Variants in NCOA2 observed in about 807,000 individuals in gnomAD.
NCOA2 encodes class E basic helix-loop-helix protein 75.
A neutral mutation model predicts 145.1 loss-of-function variants in NCOA2; 21 were observed. The ratio of observed to expected loss-of-function variants is 0.14; its 90% CI spans 0.10 to 0.21. The LOEUF is 0.21. Among genes scored for constraint, NCOA2 ranks in the 10% least tolerant of loss-of-function variants. The pLI is 1.00. For missense variants in NCOA2, 1,472 were observed against 1,837.6 expected (o/e 0.80, Z 3.64); for synonymous variants, 619 against 637.5 (o/e 0.97, Z 0.44).
At chr8:70,445,455 C>A in the NCOA2 span, among the ~76,000 whole-genome samples, 1 of 152,156 alleles carries the variant, frequency 6.6e-6, no homozygotes, top group African/African-American at 2.4e-5. Flanking sequence ...TAATATTGAG[C>A]CGAGCCTGTA....
intron 1 of NCOA2, among the ~76,000 whole-genome samples, chr8:70,317,409 C>A (rs1043452348): frequency 1.3e-5 from 2 of 152,286 alleles, no homozygotes; most frequent in South Asian, 4.1e-4. Context: ...AGTATCTGCA[C>A]AAGAAGGCAC....
At chr8:70,361,108 T>A (rs1390267341) in intron 1 of NCOA2, among the ~76,000 whole-genome samples, 1 of 152,212 alleles carries the variant, frequency 6.6e-6, no homozygotes, top group Non-Finnish European at 1.5e-5. Flanking sequence ...TAACTTTGCA[T>A]TGTTAAATAA....
At chr8:70,336,385 A>G (rs569161658) in intron 1 of NCOA2, among the ~76,000 whole-genome samples, 1 of 152,312 alleles carries the variant, frequency 6.6e-6, no homozygotes, top group South Asian at 2.1e-4. Context: ...ATATTGTAAC[A>G]TGTATCAGAA....
At chr8:70,376,557 T>C (rs1271969075) in intron 1 of NCOA2, among the ~76,000 whole-genome samples, 2 of 152,234 alleles carry the variant, frequency 1.3e-5, no homozygotes, top group Non-Finnish European at 2.9e-5. Flanking sequence ...AAAAATTCTA[T>C]TACAGAATCA....
At chr8:70,377,547 A>G (rs1811794100) in intron 1 of NCOA2, among the ~76,000 whole-genome samples, 1 of 152,164 alleles carries the variant, frequency 6.6e-6, no homozygotes, top group South Asian at 2.1e-4. Context: ...TTTAAAAAAA[A>G]TCCTTTATCA....
intron 4 of NCOA2, among the ~76,000 whole-genome samples, chr8:70,177,772 G>C (rs1263876308): frequency 1.3e-5 from 2 of 152,136 alleles, no homozygotes; most frequent in African/African-American, 4.8e-5. Context: ...TTGCGGGAGA[G>C]AGTGAGAGGA....
chr8:70,286,225 C>A (rs1316136549), intron 2 of NCOA2, among the ~76,000 whole-genome samples: 1 of 151,998 alleles, frequency 6.6e-6, no homozygotes, highest in Non-Finnish European at 1.5e-5. Context: ...TCAGCCTGGG[C>A]AACATAACGA....
intron 4 of NCOA2, among the ~76,000 whole-genome samples, chr8:70,207,399 T>A (rs560490329): frequency 6.6e-6 from 1 of 152,240 alleles, no homozygotes; most frequent in South Asian, 2.1e-4. Context: ...AAAACTTCCA[T>A]GTACTTAAGA....
At chr8:70,369,334 A>G (rs1811006407) in intron 1 of NCOA2, among the ~76,000 whole-genome samples, 1 of 152,250 alleles carries the variant, frequency 6.6e-6, no homozygotes, top group Admixed American at 6.5e-5. Context: ...ACCAATGTAA[A>G]GTGAATAAAT....
chr8:70,301,141 T>C (rs1827456848), intron 1 of NCOA2, among the ~76,000 whole-genome samples: 1 of 152,206 alleles, frequency 6.6e-6, no homozygotes, highest in African/African-American at 2.4e-5. Flanking sequence ...AAAAAGCAAA[T>C]GGCAGAAATG....
intron 2 of NCOA2, among the ~76,000 whole-genome samples, chr8:70,264,243 T>C (rs1586298646): frequency 6.8e-6 from 1 of 146,040 alleles, no homozygotes; most frequent in Admixed American, 6.8e-5. Context: ...ATTGACTGAG[T>C]GCAGTGGCTC....
intron 2 of NCOA2, among the ~76,000 whole-genome samples, chr8:70,260,865 T>C (rs957240898): frequency 6.6e-6 from 1 of 152,182 alleles, no homozygotes. Flanking sequence ...TCACCATCAC[T>C]GGCCATCAGA....
At position 70,110,952 on chromosome 8, in the gene NCOA2, C is replaced by G. The variant is rs762466273; in HGVS notation, c.*2680G>C. 1.1e-4 allele frequency: 25 copies of G among 222,012 alleles called. No homozygotes were observed. Among genetic ancestry groups the G allele is most frequent in the Admixed American group, 2.9e-4 (5 of 17,420 alleles). The allele number at this position is 222,012 out of a possible 1,614,324, so 13.8% of individuals were successfully genotyped here. ...TGTTCTATTAAACAAAAACCAAGTACTCAGTCTAACAAATTTATTGTGTAC... is the reference window on the plus strand; with the variant it reads ...TGTTCTATTAAACAAAAACCAAGTAGTCAGTCTAACAAATTTATTGTGTAC... On this transcript the variant is annotated 3_prime_UTR_variant, in exon 23 of 23. Transcript: ENST00000452400.
intron 1 of NCOA2, among the ~76,000 whole-genome samples, chr8:70,381,869 TA>T (rs1812222184): frequency 6.6e-6 from 1 of 152,128 alleles, no homozygotes; most frequent in African/African-American, 2.4e-5. Flanking sequence ...ATTTTATAGG[TA>T]AAAAGCATTT....
the NCOA2 span, among the ~76,000 whole-genome samples, chr8:70,442,116 GAAGA>G: frequency 0.12 from 9,838 of 82,342 alleles, 550 homozygotes; most frequent in East Asian, 0.23. Flanking sequence ...GAGAAAGAAA[GAAGA>G]AAGAAAGAAA....
At chr8:70,330,878 A>G (rs1807036409) in intron 1 of NCOA2, among the ~76,000 whole-genome samples, 2 of 152,192 alleles carry the variant, frequency 1.3e-5, no homozygotes, top group African/African-American at 4.8e-5. Flanking sequence ...AACACCTACG[A>G]GCTGGTTATC....
chr8:70,309,544 T>C (rs1828146950), intron 1 of NCOA2, among the ~76,000 whole-genome samples: 1 of 152,078 alleles, frequency 6.6e-6, no homozygotes, highest in African/African-American at 2.4e-5. Flanking sequence ...GGGAATATAA[T>C]GGTTTAAAAA....
the NCOA2 span, among the ~76,000 whole-genome samples, chr8:70,445,171 G>C: frequency 5.9e-5 from 9 of 152,040 alleles, no homozygotes; most frequent in East Asian, 1.9e-4. Context: ...AGTAATTGTA[G>C]CTGGAAAAAT....
chr8:70,373,630 T>C (rs1210955949), intron 1 of NCOA2, among the ~76,000 whole-genome samples: 1 of 152,204 alleles, frequency 6.6e-6, no homozygotes, highest in African/African-American at 2.4e-5. Flanking sequence ...AAAGTTGATA[T>C]TATCTTGTGC....
Sources: gnomAD v4.1 joint callset for allele counts (sites outside exome capture counted in the v4.1 genomes callset) on GRCh38, gnomAD v4.1.1 for gene constraint, MANE v1.5 for transcripts, NCBI Gene and HGNC (gene_info 2026-07-23, HGNC 2026-07-21) for gene names.